WHRN: variants seen among roughly 807,000 people sequenced by gnomAD.
The protein encoded by WHRN is whirlin, also known as CASK-interacting protein CIP98.
A neutral mutation model predicts 68.3 loss-of-function variants in WHRN; 41 were observed. That is an observed-to-expected ratio of 0.60 (90% CI 0.47 to 0.78). The LOEUF (loss-of-function observed/expected upper bound fraction) is 0.78, where lower values mean the gene tolerates loss of function less well. WHRN is among the 30% of genes least tolerant of loss of function. The pLI, the probability that WHRN is intolerant of heterozygous loss-of-function variation, is 0.00. For missense variants in WHRN, 1,243 were observed against 1,244.7 expected (o/e 1.00, Z 0.02); for synonymous variants, 560 against 561.3 (o/e 1.00, Z 0.03).
At chr9:114,437,968 G>A (rs1454493574) in intron 3 of WHRN, among the ~76,000 whole-genome samples, 1 of 152,154 alleles carries the variant, frequency 6.6e-6, no homozygotes, top group Non-Finnish European at 1.5e-5. Context: ...AAGTTACAAA[G>A]AAGACATTAT....
rs111649826 is a variant in WHRN, at chr9:114,424,876, CTGCCCAGTT to C, written c.1203+103_1203+111del. On this transcript the variant is annotated intron_variant, in intron 5 of 11. Coordinates refer to ENST00000362057, the MANE Select transcript of WHRN (RefSeq NM_015404.4). The stretch of plus-strand genomic sequence containing the variant: ...GGCTGGGGGGTGGGCAGATAAGGGG[CTGCCCAGTT>C]GGAATGAGGTAGTGTAAGTCACTCG... 3.7e-3 allele frequency: 4,532 copies of C among 1,212,912 alleles called. 94 individuals are homozygous for C. The highest frequency in any genetic ancestry group is 0.033 in the East Asian group (1,400 of 43,064). 75.1% of individuals were successfully genotyped at this position (1,212,912 alleles called of 1,614,324 possible). A position where few individuals can be genotyped will look rare whatever the true frequency, so the allele number is the denominator to read the frequency against.
chr9:114,467,889 C>A (rs573847239), intron 2 of WHRN, among the ~76,000 whole-genome samples: 1 of 152,162 alleles, frequency 6.6e-6, no homozygotes, highest in South Asian at 2.1e-4. Flanking sequence ...GGACAGGGAG[C>A]GGTGGGAGAA....
At chr9:114,478,379 C>T (rs1319804320) in intron 2 of WHRN, 174 bp downstream of exon 2, 4 of 746,068 alleles carry the variant, frequency 5.4e-6, no homozygotes, top group African/African-American at 5.2e-5. Context: ...ATACACTACA[C>T]AGGTCAAAAA....
intron 3 of WHRN, among the ~76,000 whole-genome samples, chr9:114,464,858 GATGATGA>G (rs1160977504): frequency 2.4e-5 from 3 of 125,046 alleles, no homozygotes; most frequent in Non-Finnish European, 4.6e-5. Flanking sequence ...TGATGATGAT[GATGATGA>G]TGTCGTCTGT....
chr9:114,433,310 C>A (rs1203333148), intron 3 of WHRN, among the ~76,000 whole-genome samples: 6 of 152,180 alleles, frequency 3.9e-5, no homozygotes, highest in Non-Finnish European at 8.8e-5. Context: ...GAGAAGGCTG[C>A]CAACAACCTG....
At chr9:114,438,605 A>G (rs145982069) in intron 3 of WHRN, among the ~76,000 whole-genome samples, 7 of 151,896 alleles carry the variant, frequency 4.6e-5, no homozygotes, top group Non-Finnish European at 8.8e-5. Context: ...GGTGCCCGCC[A>G]CCACGCCCAG....
At chr9:114,490,703 T>A (rs1186754648) in intron 1 of WHRN, among the ~76,000 whole-genome samples, 1 of 152,196 alleles carries the variant, frequency 6.6e-6, no homozygotes. Context: ...CTCTCCACTG[T>A]CATTGCTTCT....
rs893648330 is a variant in WHRN, at chr9:114,409,247, G to A, written c.1627-1229C>T. Among the ~76,000 whole-genome samples, 9 of 152,346 alleles carry A rather than the reference G, an allele frequency of 5.9e-5. No homozygotes were observed. In the South Asian group the frequency reaches 1.9e-3, roughly 32 times the overall value. ...GATAAGGGGCTGGGGACACAGAGGTGGGACACCAACCCTGCCATTGGTAGC... is the reference window on the plus strand; with the variant it reads ...GATAAGGGGCTGGGGACACAGAGGTAGGACACCAACCCTGCCATTGGTAGC... On this transcript the variant is annotated intron_variant, in intron 7 of 11. Coordinates refer to ENST00000362057, the MANE Select transcript of WHRN (RefSeq NM_015404.4).
intron 3 of WHRN, among the ~76,000 whole-genome samples, chr9:114,447,452 A>C (rs935424923): frequency 6.6e-6 from 1 of 152,214 alleles, no homozygotes; most frequent in Non-Finnish European, 1.5e-5. Context: ...CTGCCTGTAC[A>C]TCAGAGATGT....
intron 1 of WHRN, among the ~76,000 whole-genome samples, chr9:114,479,737 A>G (rs1443661842): frequency 1.3e-5 from 2 of 152,162 alleles, no homozygotes; most frequent in Non-Finnish European, 2.9e-5. Context: ...GAAGAAATGG[A>G]GGGAAACTGC....
chr9:114,470,272 C>A (rs568287195), intron 2 of WHRN, among the ~76,000 whole-genome samples: 1 of 152,072 alleles, frequency 6.6e-6, no homozygotes, highest in Non-Finnish European at 1.5e-5. Context: ...AAGGCTGGGG[C>A]GGGGTGGGGA....
intron 7 of WHRN, among the ~76,000 whole-genome samples, chr9:114,418,019 T>C (rs1417293058): frequency 6.6e-6 from 1 of 152,090 alleles, no homozygotes; most frequent in South Asian, 2.1e-4. Flanking sequence ...AGTACCGGTG[T>C]GGGGGTCCAG....
intron 3 of WHRN, among the ~76,000 whole-genome samples, chr9:114,445,244 G>C (rs1039456318): frequency 6.6e-6 from 1 of 152,048 alleles, no homozygotes; most frequent in African/African-American, 2.4e-5. Context: ...GTTTCACCAT[G>C]TTGCCCAGGC....
At chr9:114,464,140 T>C (rs1840466913) in intron 3 of WHRN, among the ~76,000 whole-genome samples, 1 of 152,154 alleles carries the variant, frequency 6.6e-6, no homozygotes, top group Non-Finnish European at 1.5e-5. Flanking sequence ...CATAAAATGG[T>C]GCTAACAACA....
Position 114,406,503 on chromosome 9 carries a change from G to A in WHRN, c.2088C>T (p.Ala696=). The part of the protein sequence containing the change: ...PPHLKSPSAE[A]TVAGGCLLPP... ...GCAGAAGGCAGCCCCCAGCCACTGTGGCCTCTGCAGAGGGGCTTTTCAGGT... is the reference window on the plus strand; with the variant it reads ...GCAGAAGGCAGCCCCCAGCCACTGTAGCCTCTGCAGAGGGGCTTTTCAGGT... The change falls in exon 9 of 12, where the codon GCC becomes GCT. Residue 696 remains alanine (A), a synonymous_variant. Transcript: ENST00000362057. The A allele has an allele frequency of 6.2e-7, 1 of 1,614,164 alleles. No homozygotes were observed. The highest frequency in any genetic ancestry group is 8.5e-7 in the Non-Finnish European group (1 of 1,180,050).
intron 2 of WHRN, among the ~76,000 whole-genome samples, chr9:114,473,272 A>T (rs970816106): frequency 6.6e-6 from 1 of 152,222 alleles, no homozygotes; most frequent in Non-Finnish European, 1.5e-5. Flanking sequence ...TCCTGCCCGC[A>T]TCATTCCTCC....
At chr9:114,442,830 T>A (rs77299426) in intron 3 of WHRN, among the ~76,000 whole-genome samples, 2,077 of 152,288 alleles carry the variant, frequency 0.014, 48 homozygotes, top group African/African-American at 0.045. Context: ...ACTCTCTTCT[T>A]TATAAATTAC....
chr9:114,504,359 G>A lies in WHRN; in HGVS notation c.443C>T (p.Ala148Val), dbSNP rs764025457. 4 of 1,607,454 alleles carry A rather than the reference G, an allele frequency of 2.5e-6. No individual in the cohort carries two copies. The highest frequency in any genetic ancestry group is 3.4e-6 in the Non-Finnish European group (4 of 1,179,964). Residue 148 changes from alanine to valine, a missense_variant, in exon 1 of 12, where the codon GCC becomes GTC. By Grantham distance (64) the Ala-to-Val change is moderately conservative. Coordinates refer to ENST00000362057, the MANE Select transcript of WHRN (RefSeq NM_015404.4). ...VRLVSLRRAK[A>V]HEGLGFSIRG... is the part of the protein sequence containing the mutation. The stretch of plus-strand genomic sequence containing the variant: ...GATGCTGAAGCCCAAGCCCTCGTGG[G>A]CCTTGGCACGCCGCAAACTCACCAG...
chr9:114,437,139 T>A (rs577706434), intron 3 of WHRN, among the ~76,000 whole-genome samples: 5 of 152,200 alleles, frequency 3.3e-5, no homozygotes, highest in African/African-American at 1.2e-4. Flanking sequence ...TTTTAGTGTA[T>A]GATAAAGGTG....
Sources: gnomAD v4.1 joint callset for allele counts (sites outside exome capture counted in the v4.1 genomes callset) on GRCh38, gnomAD v4.1.1 for gene constraint, MANE v1.5 for transcripts, NCBI Gene and HGNC (gene_info 2026-07-23, HGNC 2026-07-21) for gene names.